RARG: variants seen among roughly 807,000 people sequenced by gnomAD.
RARG encodes the protein RAR-gamma.
In RARG, 17 loss-of-function variants were observed where a neutral mutation model predicts 43.7. The observed-to-expected ratio is 0.39, with a 90% confidence interval of 0.27 to 0.58. The LOEUF (loss-of-function observed/expected upper bound fraction) is 0.58, where lower values mean the gene tolerates loss of function less well. RARG is among the 20% of genes least tolerant of loss of function. RARG has a pLI of 0.57. For missense variants in RARG, 346 were observed against 598.7 expected, an observed-to-expected ratio of 0.58 and a Z score of 4.40; for synonymous variants, 238 against 236.4, an observed-to-expected ratio of 1.01 and a Z score of -0.06.
intron 3 of RARG, among the ~76,000 whole-genome samples, chr12:53,222,307 GA>G (rs1565727857): frequency 1.3e-5 from 2 of 151,972 alleles, no homozygotes; most frequent in African/African-American, 4.8e-5. Context: ...AAGAGAGAGA[GA>G]GAGAGAGAAA....
At chr12:53,218,790 C>G (rs1942852826) in intron 3 of RARG, among the ~76,000 whole-genome samples, 3 of 152,146 alleles carry the variant, frequency 2.0e-5, no homozygotes, top group African/African-American at 7.2e-5. Flanking sequence ...CCAGCGCCCG[C>G]CGCCCCGCCC....
At chr12:53,216,841 T>TGTGTGTGTGTGTGTGTGTGTGCGC (rs1430491578) in intron 3 of RARG, among the ~76,000 whole-genome samples, 3 of 129,382 alleles carry the variant, frequency 2.3e-5, no homozygotes, top group Admixed American at 7.3e-5. Context: ...TGTGTGTGTG[T>TGTGTGTGTGTGTGTGTGTGTGCGC]GCGCGCGCGC....
intron 3 of RARG, among the ~76,000 whole-genome samples, chr12:53,225,572 T>G (rs1186717688): frequency 1.3e-5 from 2 of 152,246 alleles, no homozygotes; most frequent in Non-Finnish European, 2.9e-5. Context: ...TACCTCTGTC[T>G]CTGCGCTCGT....
Position 53,211,527 on chromosome 12 carries a change from C to T in RARG, c.*149G>A. 1.4e-6 allele frequency: 1 copy of T among 702,536 alleles called. No homozygotes were observed. Among genetic ancestry groups the T allele is most frequent in the Non-Finnish European group, 2.1e-6 (1 of 473,344 alleles). 43.5% of individuals were successfully genotyped at this position (702,536 alleles called of 1,614,324 possible). A position where few individuals can be genotyped will look rare whatever the true frequency, so the allele number is the denominator to read the frequency against. On this transcript the variant is annotated 3_prime_UTR_variant, in exon 10 of 10. Transcript: ENST00000425354. This position sits in a 1 kb window ranked among gnomAD's most constrained non-coding sequence, Gnocchi z 4.6. Reference sequence around the variant, plus strand: ...AGGAAGGGGATGAACACAGAGGCACCCCTAGAAACTTTGGCAAAAACAAGG... The same window carrying T: ...AGGAAGGGGATGAACACAGAGGCACTCCTAGAAACTTTGGCAAAAACAAGG...
At chr12:53,220,046 C>A in intron 3 of RARG, 1 of 1,546,106 alleles carries the variant, frequency 6.5e-7, no homozygotes. Flanking sequence ...CCGGGCCCGG[C>A]CGCCCCGTAC....
chr12:53,213,563 C>T lies in RARG; in HGVS notation c.951G>A (p.Gln317=). 5 of 1,614,186 alleles carry T rather than the reference C, an allele frequency of 3.1e-6. No homozygotes were observed. Among genetic ancestry groups the T allele is most frequent in the Non-Finnish European group, 4.2e-6 (5 of 1,180,034 alleles). The change falls in exon 8 of 10, where the codon CAG becomes CAA. Residue 317 remains glutamine, a synonymous_variant. Transcript: ENST00000425354. The surrounding 1 kb of genome is among the most constrained non-coding windows in gnomAD (Gnocchi z 4.7). ...LTDLVFAFAG[Q]LLPLEMDDTE... ...TGTCATCCATCTCCAGGGGCAGGAGCTGCCCAGCAAAGGCAAAGACAAGGT... is the reference window on the plus strand; with the variant it reads ...TGTCATCCATCTCCAGGGGCAGGAGTTGCCCAGCAAAGGCAAAGACAAGGT...
chr12:53,232,134 C>T lies in RARG; in HGVS notation c.-370G>A. 2.5e-6 allele frequency: 1 copy of T among 398,610 alleles called. No individual in the cohort carries two copies. 24.7% of individuals were successfully genotyped at this position (398,610 alleles called of 1,614,324 possible). ...TGTCCCGGGGCCTCTCGGAGCCCGC[C>T]CGCCCACGTGACCGCCCCAAAATAT... On this transcript the variant is annotated 5_prime_UTR_variant, in exon 1 of 10. Transcript: ENST00000425354.
intron 2 of RARG, among the ~76,000 whole-genome samples, chr12:53,230,302 A>T (rs1335349834): frequency 6.7e-6 from 1 of 149,658 alleles, no homozygotes; most frequent in Non-Finnish European, 1.5e-5. Context: ...GGTGGAGTTG[A>T]GGGGAGGGCA....
chr12:53,227,373 A>G lies in RARG; in HGVS notation c.173T>C (p.Met58Thr). 2 of 1,570,544 alleles carry G rather than the reference A, an allele frequency of 1.3e-6. No homozygotes were observed. The highest frequency in any genetic ancestry group is 1.2e-5 in the South Asian group (1 of 85,792). Reference sequence around the variant, plus strand: ...TCCCTGAGACTCACACAGAGAGGCCATCTCCTTGGGGAGGTCAGGCTGGCC... The same window carrying G: ...TCCCTGAGACTCACACAGAGAGGCCGTCTCCTTGGGGAGGTCAGGCTGGCC... The part of the protein sequence containing the change: ...GLGQPDLPKE[M>T]ASLSVETQST... Residue 58 changes from methionine to threonine, a missense_variant, in exon 3 of 10, where the codon ATG (methionine) becomes ACG (threonine). By Grantham distance (81) the Met-to-Thr change is moderately conservative. Coordinates refer to ENST00000425354, the MANE Select transcript of RARG (RefSeq NM_000966.6). The surrounding 1 kb of genome is among the most constrained non-coding windows in gnomAD (Gnocchi z 4.3).
Position 53,211,284 on chromosome 12 carries a change from CT to C in RARG, c.*391del. The C allele has an allele frequency of 2.4e-5, 4 of 166,764 alleles. No homozygotes were observed. Among genetic ancestry groups the C allele is most frequent in the East Asian group, 1.6e-4 (1 of 6,154 alleles). 10.3% of individuals were successfully genotyped at this position (166,764 alleles called of 1,614,324 possible). On this transcript the variant is annotated 3_prime_UTR_variant, in exon 10 of 10. Coordinates refer to ENST00000425354, the MANE Select transcript of RARG (RefSeq NM_000966.6). This position sits in a 1 kb window ranked among gnomAD's most constrained non-coding sequence, Gnocchi z 4.6. ...GGGCTCAGCCCTTCTCCTTTGTCCC[CT>C]TTTTGGTCTCTAGTGTTCCTGTTTG...
At chr12:53,214,663 T>C (rs2120620724) in intron 5 of RARG, 57 bp from the exon 6 acceptor site, 1 of 1,499,340 alleles carries the variant, frequency 6.7e-7, no homozygotes, top group Non-Finnish European at 9.1e-7. Context: ...CCTTTGGGTG[T>C]CCTCTCTCAC....
At chr12:53,229,841 C>G (rs548100410) in intron 2 of RARG, 2 of 678,722 alleles carry the variant, frequency 2.9e-6, no homozygotes, top group East Asian at 1.4e-4. Flanking sequence ...TTCTCACCTA[C>G]CAATGGGAAA....
Position 53,227,470 on chromosome 12 carries a change from G to A in RARG, c.76C>T (p.Pro26Ser). ...CTGAGTGCCCCTGGGAAGGCGAAGG[G>A]GAAACCTGCCCCTGGGTAGCCAGAT... is the stretch of plus-strand genomic sequence containing the variant. ...PGSGYPGAGF[P>S]FAFPGALRGS... Residue 26 changes from proline (P) to serine (S), a missense_variant, in exon 3 of 10, where the codon CCC (proline) becomes TCC (serine). Around this residue, in one of 8 missense-constraint regions of RARG, gnomAD observed 90 missense variants for 93.2 expected, o/e 0.97. Transcript: ENST00000425354. This position sits in a 1 kb window ranked among gnomAD's most constrained non-coding sequence, Gnocchi z 4.3. 6.2e-7 allele frequency: 1 copy of A among 1,610,234 alleles called. No homozygotes were observed. Among genetic ancestry groups the A allele is most frequent in the Admixed American group, 1.7e-5 (1 of 59,488 alleles).
Position 53,226,617 on chromosome 12 carries a change from C to CT in RARG, c.184+744dup, listed in dbSNP as rs35671935. Among the ~76,000 whole-genome samples the CT allele has an allele frequency of 9.9e-3, 1,238 of 125,128 alleles. 24 individuals are homozygous for CT. The highest frequency in any genetic ancestry group is 0.031 in the African/African-American group (1,042 of 33,604). The allele number at this position is 125,128 out of a possible 152,430, so 82.1% of individuals were successfully genotyped here. A position where few individuals can be genotyped will look rare whatever the true frequency, so the allele number is the denominator to read the frequency against. ...TGGGATTACAGGCGTGAGCCTTTTT[C>CT]TTTTTTTTTTTTTAGACAGATTCTC... On this transcript the variant is annotated intron_variant, in intron 3 of 9. Transcript: ENST00000425354.
At chr12:53,226,229 G>T (rs1480815598) in intron 3 of RARG, among the ~76,000 whole-genome samples, 1 of 151,764 alleles carries the variant, frequency 6.6e-6, no homozygotes, top group Non-Finnish European at 1.5e-5. Flanking sequence ...CTGGGTTCAA[G>T]TGCTTCTCCT....
chr12:53,229,061 C>G (rs1943173402), intron 2 of RARG, among the ~76,000 whole-genome samples: 1 of 152,018 alleles, frequency 6.6e-6, no homozygotes, highest in Admixed American at 6.6e-5. Context: ...TATCTTCATC[C>G]CCTGACAAAG....
intron 3 of RARG, among the ~76,000 whole-genome samples, chr12:53,223,289 C>T (rs1943022295): frequency 6.6e-6 from 1 of 151,894 alleles, no homozygotes; most frequent in South Asian, 2.1e-4. Flanking sequence ...TAAAGCAGGC[C>T]CTGCCAGAAG....
Position 53,227,766 on chromosome 12 carries a change from G to T in RARG, c.-142-79C>A. The T allele has an allele frequency of 9.5e-7, 1 of 1,049,542 alleles. No homozygotes were observed. Among genetic ancestry groups the T allele is most frequent in the Non-Finnish European group, 1.2e-6 (1 of 808,178 alleles). The allele number at this position is 1,049,542 out of a possible 1,614,324, so 65.0% of individuals were successfully genotyped here. On this transcript the variant is annotated intron_variant, in intron 2 of 9. Coordinates refer to ENST00000425354, the MANE Select transcript of RARG (RefSeq NM_000966.6). This position sits in a 1 kb window ranked among gnomAD's most constrained non-coding sequence, Gnocchi z 4.3. ...CAAGCCCTGTGACCCTCTCTCAGTT[G>T]CAGTCTTCTCCCTCTGTGCTGCTAC...
At chr12:53,212,022 C>T (rs1262858729) in intron 9 of RARG, among the ~76,000 whole-genome samples, 159 bp from the exon 10 acceptor site, 2 of 152,202 alleles carry the variant, frequency 1.3e-5, no homozygotes, top group Admixed American at 1.3e-4. Context: ...TCTCACTAGG[C>T]TTCCTGGGTG....
Sources: gnomAD v4.1 joint callset for allele counts (sites outside exome capture counted in the v4.1 genomes callset) on GRCh38, gnomAD v4.1.1 for gene constraint, gnomAD v4.1.1 regional missense constraint, Gnocchi (gnomAD v3.1) non-coding constraint, MANE v1.5 for transcripts, NCBI Gene and HGNC (gene_info 2026-07-23, HGNC 2026-07-21) for gene names.